The following EBF2 variants were observed in gnomAD, a reference collection of about 807,000 sequenced individuals.
EBF2 encodes transcription factor COE2.
A neutral mutation model predicts 72.8 loss-of-function variants in EBF2; 21 were observed. The observed-to-expected ratio is 0.29, with a 90% CI of 0.20 to 0.42. The LOEUF (loss-of-function observed/expected upper bound fraction) is 0.42, where lower values mean the gene tolerates loss of function less well. EBF2 is among the 10% of genes least tolerant of loss of function. The pLI is 1.00. For synonymous variants in EBF2, 299 were observed against 274.2 expected (o/e 1.09, Z -0.89); for missense variants, 637 against 731.2 (o/e 0.87, Z 1.49).
intron 11 of EBF2, among the ~76,000 whole-genome samples, chr8:25,861,581 T>C (rs1397837826): frequency 6.6e-6 from 1 of 152,106 alleles, no homozygotes; most frequent in Non-Finnish European, 1.5e-5. Context: ...AATTCACCTC[T>C]ATAAAATGGC....
At chr8:25,859,843 A>T (rs1332736750) in intron 13 of EBF2, among the ~76,000 whole-genome samples, 1 of 151,826 alleles carries the variant, frequency 6.6e-6, no homozygotes, top group Non-Finnish European at 1.5e-5. Context: ...CAACCTCCCA[A>T]ATAGCAGGGA....
intron 7 of EBF2, among the ~76,000 whole-genome samples, chr8:25,902,988 T>C (rs546052306): frequency 2.0e-5 from 3 of 152,276 alleles, no homozygotes; most frequent in African/African-American, 7.2e-5. Flanking sequence ...TGAGTGGCCT[T>C]CTCAGCCATG....
intron 14 of EBF2, 118 bp downstream of exon 14, chr8:25,858,201 T>C: frequency 7.9e-7 from 1 of 1,273,180 alleles, no homozygotes. Flanking sequence ...ATCAGGAAAC[T>C]AGGCTGCTCC....
intron 6 of EBF2, among the ~76,000 whole-genome samples, chr8:26,027,896 T>C (rs1326307500): frequency 6.6e-6 from 1 of 152,136 alleles, no homozygotes; most frequent in Non-Finnish European, 1.5e-5. Context: ...TTACGTGAGG[T>C]GTCTAGAGTA....
chr8:25,846,308 A>G (rs937585976), intron 15 of EBF2, among the ~76,000 whole-genome samples: 1 of 152,064 alleles, frequency 6.6e-6, no homozygotes, highest in Non-Finnish European at 1.5e-5. Context: ...TCAACAATCT[A>G]TACTCATCAA....
chr8:25,894,952 T>A (rs1802843054), intron 7 of EBF2, among the ~76,000 whole-genome samples: 1 of 152,218 alleles, frequency 6.6e-6, no homozygotes, highest in African/African-American at 2.4e-5. Flanking sequence ...CTATGCCTCA[T>A]CGTCTCCTGT....
At chr8:26,035,099 G>A (rs1805476243) in intron 5 of EBF2, among the ~76,000 whole-genome samples, 1 of 151,858 alleles carries the variant, frequency 6.6e-6, no homozygotes, top group African/African-American at 2.4e-5. Context: ...GGGAAGTCAT[G>A]TGACAGCAGG....
chr8:25,960,659 C>A (rs1269732735), intron 6 of EBF2, among the ~76,000 whole-genome samples: 2 of 151,882 alleles, frequency 1.3e-5, no homozygotes, highest in Non-Finnish European at 2.9e-5. Context: ...ATGAAATGGC[C>A]CACCAAAACT....
chr8:25,995,753 TA>T (rs1286198252), intron 6 of EBF2, among the ~76,000 whole-genome samples: 1 of 151,966 alleles, frequency 6.6e-6, no homozygotes, highest in African/African-American at 2.4e-5. Flanking sequence ...ACAAAACTAA[TA>T]GTAGGCGATA....
At chr8:25,862,946 T>C (rs1031469759) in intron 10 of EBF2, 149 bp from the exon 11 acceptor site, 10 of 375,672 alleles carry the variant, frequency 2.7e-5, no homozygotes, top group Middle Eastern at 5.3e-4. Context: ...TTAATTCACA[T>C]ATAAATTTGG....
In EBF2 at chr8:25,957,055, T is replaced by C. The variant is rs573727519; in HGVS notation, c.552-48500A>G. Among the ~76,000 whole-genome samples, 3 of 152,328 alleles carry C rather than the reference T, an allele frequency of 2.0e-5. No homozygotes were observed. The South Asian group carries it at 6.2e-4, about 32-fold the overall frequency. On this transcript the variant is annotated intron_variant, in intron 6 of 15. Transcript: ENST00000520164. ...CATTTATTGCTGTGCCTTACATTGC[T>C]TTTAAAACCCCAGAATGTCAGAAGT...
intron 10 of EBF2, among the ~76,000 whole-genome samples, chr8:25,864,631 TTAACTG>T (rs1357532706): frequency 6.6e-6 from 1 of 152,154 alleles, no homozygotes; most frequent in African/African-American, 2.4e-5. Context: ...TTGCCACAAC[TTAACTG>T]TATTTCACAA....
chr8:26,030,647 A>T (rs1805386839), intron 6 of EBF2, among the ~76,000 whole-genome samples: 1 of 152,116 alleles, frequency 6.6e-6, no homozygotes, highest in African/African-American at 2.4e-5. Context: ...TTAAAACCTG[A>T]TACTGGACTA....
At chr8:25,907,678 G>A (rs567548742) in intron 7 of EBF2, among the ~76,000 whole-genome samples, 1 of 152,098 alleles carries the variant, frequency 6.6e-6, no homozygotes, top group Non-Finnish European at 1.5e-5. Context: ...CTCTCTCATG[G>A]CTGCAAGGAT....
intron 6 of EBF2, among the ~76,000 whole-genome samples, chr8:25,936,641 G>A (rs564454559): frequency 3.3e-5 from 5 of 152,226 alleles, no homozygotes; most frequent in Admixed American, 1.3e-4. Flanking sequence ...TTTTATTATA[G>A]AACTAGATCT....
chr8:25,963,500 G>A (rs936773784), intron 6 of EBF2, among the ~76,000 whole-genome samples: 2 of 152,172 alleles, frequency 1.3e-5, no homozygotes, highest in Non-Finnish European at 2.9e-5. Context: ...TGTCCTTGTA[G>A]GACCTTCCAA....
intron 6 of EBF2, among the ~76,000 whole-genome samples, chr8:25,943,789 C>T (rs1198977498): frequency 1.3e-5 from 2 of 152,196 alleles, no homozygotes; most frequent in African/African-American, 2.4e-5. Context: ...CATCAAAACA[C>T]TATCAAAGGG....
intron 10 of EBF2, among the ~76,000 whole-genome samples, chr8:25,875,476 TAATA>T: frequency 6.6e-6 from 1 of 152,328 alleles, no homozygotes; most frequent in Non-Finnish European, 1.5e-5. Flanking sequence ...CTCTCAAGCT[TAATA>T]AAAATGTGGA....
chr8:26,039,507 A>G (rs1015267655), intron 5 of EBF2, among the ~76,000 whole-genome samples: 2 of 152,100 alleles, frequency 1.3e-5, no homozygotes, highest in African/African-American at 4.8e-5. Flanking sequence ...CTCCTAAGAG[A>G]GCAACCTCCC....
Sources: allele counts gnomAD v4.1 joint callset (sites outside exome capture counted in the v4.1 genomes callset), GRCh38; gene constraint gnomAD v4.1.1; transcripts MANE v1.5; gene names NCBI Gene and HGNC (gene_info 2026-07-23, HGNC 2026-07-21).